The following WDR64 variants were observed in gnomAD, a reference collection of about 807,000 sequenced individuals.
WDR64 encodes the protein WD repeat-containing protein 64.
In WDR64, 112 loss-of-function variants were observed where a neutral mutation model predicts 139.3. The observed-to-expected ratio is 0.80, with a 90% confidence interval of 0.69 to 0.94. The LOEUF (loss-of-function observed/expected upper bound fraction) is 0.94. Among genes scored for constraint, WDR64 ranks in the 40% least tolerant of loss-of-function variants. WDR64 has a pLI of 0.00. For synonymous variants in WDR64, 444 were observed against 437.7 expected, an observed-to-expected ratio of 1.01 and a Z score of -0.18; for missense variants, 1,206 against 1,293.1, an observed-to-expected ratio of 0.93 and a Z score of 1.03.
At chr1:241,654,022 A>T (rs1271237925) in intron 1 of WDR64, among the ~76,000 whole-genome samples, 1 of 152,036 alleles carries the variant, frequency 6.6e-6, no homozygotes, top group African/African-American at 2.4e-5. Context: ...CTTTTTCTGA[A>T]TTCTCTATGG....
At chr1:241,733,592 A>G (rs1390289644) in intron 10 of WDR64, among the ~76,000 whole-genome samples, 1 of 150,854 alleles carries the variant, frequency 6.6e-6, no homozygotes, top group Non-Finnish European at 1.5e-5. Context: ...TATATTATAC[A>G]TAATGCATAT....
At chr1:241,744,608 C>G in intron 13 of WDR64, 92 bp downstream of exon 13, 2 of 1,534,296 alleles carry the variant, frequency 1.3e-6, no homozygotes, top group Non-Finnish European at 1.8e-6. Flanking sequence ...AGAAGGAGAG[C>G]ATGAAGCAGG....
Position 241,796,253 on chromosome 1 carries a change from C to A in WDR64, c.3079-4C>A, listed in dbSNP as rs757401617. The A allele has an allele frequency of 6.2e-7, 1 of 1,605,098 alleles. No individual in the cohort carries two copies. The highest frequency in any genetic ancestry group is 1.7e-5 in the Admixed American group (1 of 59,646). ...TGTCTCACTGACTAATTTATGGCTTCCAGATATCAAGCCCCACTAGTCTAA... is the reference window on the plus strand; with the variant it reads ...TGTCTCACTGACTAATTTATGGCTTACAGATATCAAGCCCCACTAGTCTAA... On this transcript the variant is annotated splice_polypyrimidine_tract_variant and splice_region_variant and intron_variant, in intron 26 of 27. Coordinates refer to ENST00000437684, the MANE Select transcript of WDR64 (RefSeq NM_001367482.1).
intron 10 of WDR64, among the ~76,000 whole-genome samples, chr1:241,725,166 GT>G (rs1668755536): frequency 6.6e-6 from 1 of 152,076 alleles, no homozygotes; most frequent in African/African-American, 2.4e-5. Context: ...ACACAGACAG[GT>G]TTACATACTG....
chr1:241,661,989 G>T (rs1282524133), intron 2 of WDR64, among the ~76,000 whole-genome samples: 2 of 152,058 alleles, frequency 1.3e-5, no homozygotes, highest in East Asian at 3.9e-4. Context: ...TTACTACCTA[G>T]CCCTTTTCGA....
intron 6 of WDR64, among the ~76,000 whole-genome samples, chr1:241,680,622 T>C (rs1209513328): frequency 6.6e-6 from 1 of 152,200 alleles, no homozygotes; most frequent in Non-Finnish European, 1.5e-5. Context: ...CTACACCCTC[T>C]GGGGGTATCA....
chr1:241,758,593 T>C (rs1670302130), intron 15 of WDR64, among the ~76,000 whole-genome samples: 1 of 152,176 alleles, frequency 6.6e-6, no homozygotes, highest in Non-Finnish European at 1.5e-5. Flanking sequence ...TTAATATCAT[T>C]ATTGACTCAC....
chr1:241,731,402 GCTCT>G (rs1669073569), intron 10 of WDR64, among the ~76,000 whole-genome samples: 1 of 152,068 alleles, frequency 6.6e-6, no homozygotes, highest in Admixed American at 6.6e-5. Flanking sequence ...ATAGATGTAA[GCTCT>G]TTATATGTAT....
At chr1:241,766,775 G>A (rs1037137368) in intron 16 of WDR64, among the ~76,000 whole-genome samples, 6 of 151,532 alleles carry the variant, frequency 4.0e-5, no homozygotes, top group African/African-American at 7.3e-5. Context: ...CAAGGCAGGC[G>A]TTCCTGGAAG....
intron 5 of WDR64, 124 bp from the exon 6 acceptor site, chr1:241,679,361 A>G: frequency 1.4e-6 from 1 of 740,486 alleles, no homozygotes; most frequent in Non-Finnish European, 2.3e-6. Flanking sequence ...GATGTACTGC[A>G]AGGCTTCTCT....
At chr1:241,712,294 C>G (rs958243453) in intron 9 of WDR64, among the ~76,000 whole-genome samples, 4 of 151,878 alleles carry the variant, frequency 2.6e-5, no homozygotes, top group Admixed American at 2.0e-4. Context: ...AGATCATGAC[C>G]AAAAAGGTCA....
intron 24 of WDR64, among the ~76,000 whole-genome samples, chr1:241,788,735 G>A (rs1316663285): frequency 1.3e-5 from 2 of 152,172 alleles, no homozygotes. Context: ...GATCAAAGCA[G>A]GAACAATTTG....
chr1:241,722,806 T>C (rs1668658521), intron 9 of WDR64, among the ~76,000 whole-genome samples: 1 of 152,142 alleles, frequency 6.6e-6, no homozygotes, highest in Non-Finnish European at 1.5e-5. Flanking sequence ...ACATAAATTA[T>C]ATATGCCTAT....
intron 27 of WDR64, among the ~76,000 whole-genome samples, chr1:241,800,539 C>T (rs560235885): frequency 1.3e-5 from 2 of 152,182 alleles, no homozygotes; most frequent in South Asian, 2.1e-4. Context: ...CCCAGTTACT[C>T]GGGAGGCTAA....
intron 15 of WDR64, among the ~76,000 whole-genome samples, chr1:241,760,544 T>C (rs889104457): frequency 9.3e-5 from 14 of 150,844 alleles, no homozygotes; most frequent in African/African-American, 3.4e-4. Context: ...ATAATATATC[T>C]TCCTAATATC....
At chr1:241,725,476 C>T (rs1668781786) in intron 10 of WDR64, among the ~76,000 whole-genome samples, 1 of 152,058 alleles carries the variant, frequency 6.6e-6, no homozygotes, top group African/African-American at 2.4e-5. Context: ...ATGCAAAACC[C>T]TTCGATGGAA....
At chr1:241,728,501 G>A (rs1269582128) in intron 10 of WDR64, among the ~76,000 whole-genome samples, 3 of 152,124 alleles carry the variant, frequency 2.0e-5, no homozygotes, top group African/African-American at 4.8e-5. Context: ...AAATCGCCAT[G>A]CATAGTTGTG....
chr1:241,729,387 T>C (rs1668988044), intron 10 of WDR64, among the ~76,000 whole-genome samples: 1 of 152,204 alleles, frequency 6.6e-6, no homozygotes, highest in African/African-American at 2.4e-5. Flanking sequence ...ATTTATAACC[T>C]TGTCATTGCC....
intron 9 of WDR64, among the ~76,000 whole-genome samples, chr1:241,721,147 G>A (rs538460859): frequency 1.3e-5 from 2 of 152,210 alleles, no homozygotes; most frequent in South Asian, 4.2e-4. Context: ...ATGTTCCATT[G>A]GTCTATGTGT....
Sources: allele counts gnomAD v4.1 joint callset (sites outside exome capture counted in the v4.1 genomes callset), GRCh38; gene constraint gnomAD v4.1.1; transcripts MANE v1.5; gene names NCBI Gene and HGNC (gene_info 2026-07-23, HGNC 2026-07-21).